CYRIA: variants seen among roughly 807,000 people sequenced by gnomAD.
CYRIA encodes CYFIP related Rac1 interactor A, also known as CYFIP-related Rac1 interactor A.
Under a neutral mutation model 43.9 loss-of-function variants are expected in CYRIA, and 15 were observed. The ratio of observed to expected loss-of-function variants is 0.34; its 90% CI spans 0.23 to 0.53. The LOEUF (loss-of-function observed/expected upper bound fraction) is 0.53, where lower values mean the gene tolerates loss of function less well. CYRIA is among the 20% of genes least tolerant of loss of function. The pLI, the probability that CYRIA is intolerant of heterozygous loss-of-function variation, is 0.94. For synonymous variants in CYRIA, 117 were observed against 136.0 expected (o/e 0.86, Z 0.97); for missense variants, 236 against 394.2 (o/e 0.60, Z 3.40).
chr2:16,600,353 C>T (rs890125736), intron 2 of CYRIA, among the ~76,000 whole-genome samples: 1 of 152,168 alleles, frequency 6.6e-6, no homozygotes, highest in Non-Finnish European at 1.5e-5. Context: ...GCCTATCCCA[C>T]GAAAAGGCAA....
chr2:16,556,902 C>T (rs1666543003), intron 10 of CYRIA, among the ~76,000 whole-genome samples: 1 of 151,996 alleles, frequency 6.6e-6, no homozygotes, highest in African/African-American at 2.4e-5. Flanking sequence ...GGCTTAGACA[C>T]TGGTTGGAGG....
At chr2:16,590,916 T>C (rs1474117780) in intron 2 of CYRIA, among the ~76,000 whole-genome samples, 1 of 152,070 alleles carries the variant, frequency 6.6e-6, no homozygotes, top group African/African-American at 2.4e-5. Context: ...TGTCTTCTGG[T>C]TTAGGGGGAT....
intron 3 of CYRIA, among the ~76,000 whole-genome samples, chr2:16,583,271 A>C (rs1667614072): frequency 6.6e-6 from 1 of 152,210 alleles, no homozygotes; most frequent in Admixed American, 6.5e-5. Context: ...AATCTACCTG[A>C]ACCTCTACCT....
intron 3 of CYRIA, among the ~76,000 whole-genome samples, chr2:16,567,343 G>T (rs887641008): frequency 1.3e-5 from 2 of 152,112 alleles, no homozygotes; most frequent in Non-Finnish European, 2.9e-5. Context: ...GGCAGAGGTT[G>T]CAATGAACTG....
chr2:16,659,289 C>T (rs1670188815), intron 1 of CYRIA, among the ~76,000 whole-genome samples: 1 of 152,202 alleles, frequency 6.6e-6, no homozygotes, highest in South Asian at 2.1e-4. Context: ...TGAAGGCACA[C>T]AGATGTGGTT....
At chr2:16,599,279 T>G (rs1572492579) in intron 2 of CYRIA, among the ~76,000 whole-genome samples, 1 of 1,832 alleles carries the variant, frequency 5.5e-4, no homozygotes, top group East Asian at 4.5e-3. Context: ...GCTTCCCGGC[T>G]GCTTTGTTTA....
chr2:16,585,199 C>A (rs943695499), intron 3 of CYRIA, among the ~76,000 whole-genome samples: 1 of 152,100 alleles, frequency 6.6e-6, no homozygotes, highest in African/African-American at 2.4e-5. Context: ...TGAAAATCAT[C>A]TTTAGGAAAT....
intron 1 of CYRIA, among the ~76,000 whole-genome samples, chr2:16,658,914 C>T (rs529346317): frequency 2.0e-5 from 3 of 152,242 alleles, no homozygotes; most frequent in East Asian, 3.9e-4. Flanking sequence ...CAAGGAAGGG[C>T]CTGAGAAGTA....
intron 2 of CYRIA, among the ~76,000 whole-genome samples, chr2:16,606,447 A>G (rs779165741): frequency 2.6e-5 from 4 of 151,782 alleles, no homozygotes; most frequent in Non-Finnish European, 5.9e-5. Context: ...GACCCCTGGG[A>G]TCATTCACCA....
At chr2:16,639,021 G>A (rs866600516) in intron 1 of CYRIA, among the ~76,000 whole-genome samples, 1 of 152,146 alleles carries the variant, frequency 6.6e-6, no homozygotes, top group South Asian at 2.1e-4. Flanking sequence ...ATTCTCTCAA[G>A]GCTGCATACA....
At chr2:16,661,839 G>A (rs939007074) in intron 1 of CYRIA, among the ~76,000 whole-genome samples, 1 of 151,972 alleles carries the variant, frequency 6.6e-6, no homozygotes, top group African/African-American at 2.4e-5. Context: ...ACGAGGCAAG[G>A]GACTTTACCT....
chr2:16,642,784 T>C (rs72777951), intron 1 of CYRIA, among the ~76,000 whole-genome samples: 11,111 of 152,216 alleles, frequency 0.073, 601 homozygotes, highest in African/African-American at 0.14. Flanking sequence ...CTCCCAGATA[T>C]ATGTGTGCTC....
At chr2:16,556,989 G>A (rs764228259) in intron 10 of CYRIA, among the ~76,000 whole-genome samples, 6 of 152,056 alleles carry the variant, frequency 3.9e-5, no homozygotes, top group Non-Finnish European at 8.8e-5. Context: ...TTTTGGGGAT[G>A]GCCATATTTC....
At chr2:16,641,264 C>T (rs1179901185) in intron 1 of CYRIA, among the ~76,000 whole-genome samples, 1 of 152,140 alleles carries the variant, frequency 6.6e-6, no homozygotes, top group Admixed American at 6.5e-5. Context: ...AGGCCCTCTT[C>T]ATTGAGTCCC....
At chr2:16,658,269 T>A (rs1239138360) in intron 1 of CYRIA, among the ~76,000 whole-genome samples, 4 of 152,142 alleles carry the variant, frequency 2.6e-5, no homozygotes, top group Non-Finnish European at 4.4e-5. Context: ...AATTCAGGAA[T>A]GTGTTGTCAG....
intron 1 of CYRIA, among the ~76,000 whole-genome samples, chr2:16,632,395 T>C (rs1348007603): frequency 6.6e-6 from 1 of 152,098 alleles, no homozygotes; most frequent in Non-Finnish European, 1.5e-5. Context: ...GTTCAGAGGG[T>C]GCCTGGTTTC....
At chr2:16,631,674 T>C (rs534141522) in intron 1 of CYRIA, among the ~76,000 whole-genome samples, 45 of 152,308 alleles carry the variant, frequency 3.0e-4, no homozygotes, top group African/African-American at 1.1e-3. Context: ...GCATTTAAAG[T>C]GACCAGTGCA....
intron 3 of CYRIA, among the ~76,000 whole-genome samples, chr2:16,571,555 C>T (rs1038506754): frequency 6.6e-5 from 10 of 152,220 alleles, no homozygotes; most frequent in Admixed American, 3.3e-4. Context: ...TTCCTAACAA[C>T]CCGTTTAGGA....
intron 9 of CYRIA, among the ~76,000 whole-genome samples, 167 bp from the exon 10 acceptor site, chr2:16,559,753 C>T (rs542843543): frequency 6.6e-6 from 1 of 152,266 alleles, no homozygotes; most frequent in East Asian, 1.9e-4. Flanking sequence ...GATAATTCTC[C>T]TTGAATCTAT....
Sources: gnomAD v4.1 joint callset for allele counts (sites outside exome capture counted in the v4.1 genomes callset) on GRCh38, gnomAD v4.1.1 for gene constraint, MANE v1.5 for transcripts, NCBI Gene and HGNC (gene_info 2026-07-23, HGNC 2026-07-21) for gene names.